Variants in CA10 observed in about 807,000 individuals in gnomAD.
CA10 encodes carbonic anhydrase-related protein 10.
Under a neutral mutation model 44.2 loss-of-function variants are expected in CA10, and 14 were observed. That is an observed-to-expected ratio of 0.32 (90% confidence interval 0.21 to 0.50). The LOEUF (loss-of-function observed/expected upper bound fraction) is 0.50, where lower values mean the gene tolerates loss of function less well. Among genes scored for constraint, CA10 ranks in the 20% least tolerant of loss-of-function variants. The pLI is 0.99. For synonymous variants in CA10, 159 were observed against 141.6 expected (o/e 1.12, Z -0.87); for missense variants, 350 against 409.7 (o/e 0.85, Z 1.26).
intron 2 of CA10, among the ~76,000 whole-genome samples, chr17:51,983,292 T>C (rs1416985124): frequency 1.3e-5 from 2 of 151,920 alleles, no homozygotes; most frequent in East Asian, 3.9e-4. Context: ...CAGAGAGTGG[T>C]TTCTGTCATC....
chr17:51,631,491 A>G lies in CA10; in HGVS notation c.*93T>C, dbSNP rs1209745744. 1.8e-5 allele frequency: 21 copies of G among 1,157,512 alleles called. No individual in the cohort carries two copies. Among genetic ancestry groups the G allele is most frequent in the Middle Eastern group, 1.9e-4 (1 of 5,156 alleles). The allele number at this position is 1,157,512 out of a possible 1,614,324, so 71.7% of individuals were successfully genotyped here. ...AGAATGAATGAGGCTTGGGGGAAAG[A>G]AGGAGAGAGAAGCAAGAAGGGGGAC... On this transcript the variant is annotated 3_prime_UTR_variant, in exon 9 of 9. Coordinates refer to ENST00000451037, the MANE Select transcript of CA10 (RefSeq NM_020178.5).
At chr17:51,674,038 T>C (rs1914526030) in intron 4 of CA10, among the ~76,000 whole-genome samples, 1 of 152,226 alleles carries the variant, frequency 6.6e-6, no homozygotes, top group Middle Eastern at 3.2e-3. Flanking sequence ...ACCCTCCAGG[T>C]AGAGATGCTC....
intron 4 of CA10, among the ~76,000 whole-genome samples, chr17:51,681,622 G>A (rs2143392269): frequency 6.6e-6 from 1 of 152,268 alleles, no homozygotes; most frequent in South Asian, 2.1e-4. Context: ...CCCCTGAAAG[G>A]CAATATGGTC....
At chr17:52,110,257 G>GT (rs761193688) in intron 1 of CA10, among the ~76,000 whole-genome samples, 76 of 152,172 alleles carry the variant, frequency 5.0e-4, no homozygotes, top group Admixed American at 1.0e-3. Flanking sequence ...CTGTTAAACT[G>GT]TAAGTTCCTG....
At chr17:51,790,001 A>G (rs1906450787) in intron 3 of CA10, among the ~76,000 whole-genome samples, 1 of 152,212 alleles carries the variant, frequency 6.6e-6, no homozygotes, top group Non-Finnish European at 1.5e-5. Context: ...TTGTGCCAGC[A>G]GCAGCCAGCT....
rs1479440355 is a variant in CA10, at chr17:51,735,755, T to TA, written c.465+11877dup. 2.0e-5 allele frequency among the ~76,000 whole-genome samples: 3 copies of TA among 152,106 alleles called. No individual in the cohort carries two copies. In the East Asian group the frequency reaches 5.8e-4, roughly 29 times the overall value. ...TTGTGCTGATGGTCATCCAAATCTA[T>TA]ATACCTGTTAAACTTCAGAGAACTT... On this transcript the variant is annotated intron_variant, in intron 4 of 8. Transcript: ENST00000451037.
intron 2 of CA10, among the ~76,000 whole-genome samples, chr17:52,053,100 C>T (rs1414325127): frequency 2.0e-5 from 3 of 152,010 alleles, no homozygotes; most frequent in African/African-American, 7.2e-5. Context: ...AAAATGCAAC[C>T]ATACATATCA....
chr17:51,762,791 T>G (rs546290020), intron 3 of CA10: 6 of 152,186 alleles, frequency 3.9e-5, no homozygotes, highest in African/African-American at 1.2e-4. Flanking sequence ...AGAATTTGAA[T>G]GCACATCTGT....
At chr17:51,688,419 T>G (rs1915078220) in intron 4 of CA10, among the ~76,000 whole-genome samples, 1 of 152,250 alleles carries the variant, frequency 6.6e-6, no homozygotes. Flanking sequence ...CCTGCATTGC[T>G]GTAATCTTTT....
chr17:51,748,966 T>C (rs1055349940), intron 3 of CA10, among the ~76,000 whole-genome samples: 1 of 152,154 alleles, frequency 6.6e-6, no homozygotes, highest in Non-Finnish European at 1.5e-5. Flanking sequence ...CACCTTACTG[T>C]AGAATGGAGC....
At chr17:52,009,253 T>C (rs1475074390) in intron 2 of CA10, among the ~76,000 whole-genome samples, 1 of 151,988 alleles carries the variant, frequency 6.6e-6, no homozygotes. Context: ...CAGTGATTTA[T>C]GGACATAGAT....
intron 3 of CA10, among the ~76,000 whole-genome samples, chr17:51,917,881 T>G (rs1982067697): frequency 6.6e-6 from 1 of 152,154 alleles, no homozygotes; most frequent in African/African-American, 2.4e-5. Flanking sequence ...TGGACTCCAG[T>G]TAAACTATCA....
chr17:52,159,687 C>T (rs1474570774), upstream of CA10: 1 of 152,330 alleles, frequency 6.6e-6, no homozygotes, highest in Non-Finnish European at 1.5e-5. Context: ...ACCACCCACC[C>T]ACCCAGGCCG....
At chr17:51,911,655 T>C (rs1319787346) in intron 3 of CA10, among the ~76,000 whole-genome samples, 1 of 152,134 alleles carries the variant, frequency 6.6e-6, no homozygotes, top group Non-Finnish European at 1.5e-5. Context: ...AAAACCAAAA[T>C]GGAAGTCTAG....
chr17:52,016,157 G>T (rs1054698260), intron 2 of CA10, among the ~76,000 whole-genome samples: 10 of 152,086 alleles, frequency 6.6e-5, no homozygotes, highest in African/African-American at 2.4e-4. Context: ...CAGACACCAG[G>T]ATTCAAAGCA....
chr17:51,668,656 T>C (rs1914294100), intron 4 of CA10, among the ~76,000 whole-genome samples: 1 of 152,214 alleles, frequency 6.6e-6, no homozygotes, highest in South Asian at 2.1e-4. Flanking sequence ...CCTCGGCCTC[T>C]GCATCCACTC....
chr17:51,699,676 A>ACAAGT (rs1352636038), intron 4 of CA10, among the ~76,000 whole-genome samples: 2 of 152,230 alleles, frequency 1.3e-5, no homozygotes, highest in Non-Finnish European at 2.9e-5. Context: ...GTTCTGCATG[A>ACAAGT]CAAGTCTACT....
chr17:51,690,486 C>A (rs945422060), intron 4 of CA10, among the ~76,000 whole-genome samples: 1 of 152,220 alleles, frequency 6.6e-6, no homozygotes, highest in East Asian at 1.9e-4. Context: ...CAAATCTCAT[C>A]TTGAATTATC....
intron 2 of CA10, among the ~76,000 whole-genome samples, chr17:51,937,819 C>T (rs1422238364): frequency 6.6e-6 from 1 of 152,014 alleles, no homozygotes. Context: ...CTGACCTGGC[C>T]CTTTTCTCAA....
Sources: gnomAD v4.1 joint callset for allele counts (sites outside exome capture counted in the v4.1 genomes callset) on GRCh38, gnomAD v4.1.1 for gene constraint, MANE v1.5 for transcripts, NCBI Gene and HGNC (gene_info 2026-07-23, HGNC 2026-07-21) for gene names.